The following SPATA7 variants were observed in gnomAD, a reference collection of about 807,000 sequenced individuals.
SPATA7 encodes spermatogenesis-associated protein 7.
In SPATA7, 43 loss-of-function variants were observed where a neutral mutation model predicts 51.8. The ratio of observed to expected loss-of-function variants is 0.83; its 90% CI spans 0.65 to 1.07. SPATA7 has a LOEUF of 1.07. Ranked by LOEUF, SPATA7 falls within the 50% of genes least tolerant of loss-of-function variation. SPATA7 has a pLI of 0.00. For missense variants in SPATA7, 683 were observed against 701.3 expected, an observed-to-expected ratio of 0.97 and a Z score of 0.30; for synonymous variants, 230 against 252.8, an observed-to-expected ratio of 0.91 and a Z score of 0.86.
chr14:88,430,733 G>A (rs930245626), intron 8 of SPATA7, among the ~76,000 whole-genome samples: 2 of 152,100 alleles, frequency 1.3e-5, no homozygotes, highest in African/African-American at 4.8e-5. Flanking sequence ...CATTAACCTT[G>A]GAAAGTTACT....
chr14:88,437,927 G>A lies in SPATA7; in HGVS notation c.1305G>A (p.Met435Ile), dbSNP rs1415441094. The change falls in exon 12 of 12, where the codon ATG becomes ATA. Residue 435 changes from methionine (M) to isoleucine (I), a missense_variant. By Grantham distance (10) the Met-to-Ile change is conservative (BLOSUM62 1). Transcript: ENST00000393545. ...CGGTAAAGCAAAATGATGTTGATAT[G>A]TTGAATGTATTTGATTTTGAAAAGG... ...ENSVKQNDVD[M>I]LNVFDFEKAG... is the part of the protein sequence containing the mutation. 1 of 1,613,780 alleles carries A rather than the reference G, an allele frequency of 6.2e-7. No homozygotes were observed. Among genetic ancestry groups the A allele is most frequent in the South Asian group, 1.1e-5 (1 of 91,000 alleles).
intron 8 of SPATA7, 107 bp downstream of exon 8, chr14:88,429,570 C>CCAATT: frequency 1.4e-6 from 1 of 690,222 alleles, no homozygotes; most frequent in South Asian, 1.9e-5. Context: ...ATGCTCCAAT[C>CCAATT]TATTTTGGTG....
chr14:88,405,399 A>G (rs1345629878), intron 4 of SPATA7, among the ~76,000 whole-genome samples: 1 of 152,226 alleles, frequency 6.6e-6, no homozygotes, highest in Non-Finnish European at 1.5e-5. Context: ...CTTTGGCTTC[A>G]TAGTTGGGAA....
downstream of SPATA7, among the ~76,000 whole-genome samples, chr14:88,459,601 T>A (rs1452858860): frequency 1.3e-5 from 2 of 152,202 alleles, no homozygotes; most frequent in African/African-American, 4.8e-5. Flanking sequence ...TTTGAGCCTA[T>A]GTGAGTCTCT....
intron 3 of SPATA7, among the ~76,000 whole-genome samples, chr14:88,448,335 T>A (rs2077228311): frequency 6.6e-6 from 1 of 152,246 alleles, no homozygotes; most frequent in Non-Finnish European, 1.5e-5. Flanking sequence ...TTCAGCTCCA[T>A]CAGCTCCTTT....
intron 4 of SPATA7, chr14:88,468,787 A>AT (rs2077405553): frequency 8.9e-7 from 1 of 1,121,452 alleles, no homozygotes. Context: ...TGCAGGGAAC[A>AT]TTAGTAACAT....
At chr14:88,392,814 C>A (rs917795792) in intron 2 of SPATA7, among the ~76,000 whole-genome samples, 3 of 151,194 alleles carry the variant, frequency 2.0e-5, no homozygotes, top group Non-Finnish European at 4.4e-5. Flanking sequence ...TCTAAGATTT[C>A]TTTTAAACAG....
At chr14:88,422,594 TAAA>T (rs1322025493) in intron 5 of SPATA7, among the ~76,000 whole-genome samples, 3 of 148,246 alleles carry the variant, frequency 2.0e-5, no homozygotes, top group South Asian at 4.2e-4. Flanking sequence ...TTATATATAA[TAAA>T]GTAAAAATAT....
At chr14:88,446,059 T>A (rs1286673996) in intron 3 of SPATA7, among the ~76,000 whole-genome samples, 1 of 152,248 alleles carries the variant, frequency 6.6e-6, no homozygotes. Context: ...TCAGAAGGAA[T>A]GGTACCAGTT....
chr14:88,460,817 C>G (rs144838847), intron 4 of SPATA7, among the ~76,000 whole-genome samples: 5,784 of 151,802 alleles, frequency 0.038, 360 homozygotes, highest in African/African-American at 0.13. Flanking sequence ...TTTCTGCTCT[C>G]TTTTTTCCCC....
At chr14:88,396,482 C>G (rs1322565814) in intron 4 of SPATA7, among the ~76,000 whole-genome samples, 1 of 152,154 alleles carries the variant, frequency 6.6e-6, no homozygotes, top group Non-Finnish European at 1.5e-5. Flanking sequence ...TACTTACTAT[C>G]TCTATGAATC....
intron 10 of SPATA7, 139 bp from the exon 11 acceptor site, chr14:88,437,404 T>C (rs2077117875): frequency 1.6e-6 from 1 of 634,748 alleles, no homozygotes; most frequent in Non-Finnish European, 2.8e-6. Context: ...CAGGAAAGGA[T>C]TAGTCTTCAG....
chr14:88,423,031 A>C (rs2076688553), intron 5 of SPATA7, among the ~76,000 whole-genome samples: 1 of 152,098 alleles, frequency 6.6e-6, no homozygotes, highest in Non-Finnish European at 1.5e-5. Context: ...ATAATTGCCC[A>C]ATTCTCTTGC....
At chr14:88,447,121 G>T (rs1291663029) in intron 3 of SPATA7, among the ~76,000 whole-genome samples, 1 of 150,136 alleles carries the variant, frequency 6.7e-6, no homozygotes, top group East Asian at 1.9e-4. Context: ...GGGAGTCTAA[G>T]TCTCTTTGTA....
chr14:88,428,574 T>G (rs949597980), intron 7 of SPATA7: 1 of 152,224 alleles, frequency 6.6e-6, no homozygotes, highest in Non-Finnish European at 1.5e-5. Flanking sequence ...GTAAATGATG[T>G]AGGCAAAGTG....
downstream of SPATA7, among the ~76,000 whole-genome samples, chr14:88,455,837 A>G (rs2077280334): frequency 6.6e-6 from 1 of 151,034 alleles, no homozygotes; most frequent in African/African-American, 2.4e-5. Flanking sequence ...TTAACTCATC[A>G]TTTACATTAG....
downstream of SPATA7, among the ~76,000 whole-genome samples, chr14:88,457,851 T>C (rs1274263673): frequency 2.6e-5 from 4 of 152,022 alleles, no homozygotes; most frequent in Non-Finnish European, 1.5e-5. Flanking sequence ...CAGTATGATA[T>C]TGGCTGTGGG....
downstream of SPATA7, among the ~76,000 whole-genome samples, chr14:88,441,188 TTGTGTG>T (rs534049280): frequency 6.6e-6 from 1 of 151,210 alleles, no homozygotes; most frequent in African/African-American, 2.4e-5. Context: ...TAGTATTCAA[TTGTGTG>T]TGTGTGTGTG....
At chr14:88,441,204 G>GTA (rs891972837), downstream of SPATA7, among the ~76,000 whole-genome samples, 14 of 151,688 alleles carry the variant, frequency 9.2e-5, no homozygotes, top group South Asian at 2.1e-4. Context: ...GTGTGTGTGT[G>GTA]TATATATATA....
Sources: allele counts gnomAD v4.1 joint callset (sites outside exome capture counted in the v4.1 genomes callset), GRCh38; gene constraint gnomAD v4.1.1; transcripts MANE v1.5; gene names NCBI Gene and HGNC (gene_info 2026-07-23, HGNC 2026-07-21).